Variants in ADGRG7 observed in about 807,000 individuals in gnomAD.
The protein encoded by ADGRG7 is adhesion G protein-coupled receptor G7.
In ADGRG7, 82 loss-of-function variants were observed where a neutral mutation model predicts 88.6. The ratio of observed to expected loss-of-function variants is 0.93; its 90% confidence interval spans 0.77 to 1.11. The LOEUF is 1.11. Among genes scored for constraint, ADGRG7 ranks in the 50% most tolerant of loss-of-function variants. ADGRG7 has a pLI of 0.00. For missense variants in ADGRG7, 945 were observed against 953.4 expected, an observed-to-expected ratio of 0.99 and a Z score of 0.12; for synonymous variants, 381 against 345.2, an observed-to-expected ratio of 1.10 and a Z score of -1.15.
At chr3:100,623,573 G>A (rs1158769792) in intron 1 of ADGRG7, among the ~76,000 whole-genome samples, 1 of 152,070 alleles carries the variant, frequency 6.6e-6, no homozygotes, top group Non-Finnish European at 1.5e-5. Context: ...CAGGATACAA[G>A]TGCAGACCTT....
intron 15 of ADGRG7, among the ~76,000 whole-genome samples, chr3:100,683,205 A>T (rs2094976455): frequency 6.6e-6 from 1 of 152,176 alleles, no homozygotes; most frequent in Non-Finnish European, 1.5e-5. Context: ...GCAGGACAAG[A>T]ACTAGGGACC....
At chr3:100,621,778 C>T (rs776320761) in intron 1 of ADGRG7, among the ~76,000 whole-genome samples, 60 of 152,300 alleles carry the variant, frequency 3.9e-4, no homozygotes, top group Non-Finnish European at 6.3e-4. Context: ...ATAAAACAGG[C>T]TTCTATTGAA....
intron 13 of ADGRG7, among the ~76,000 whole-genome samples, chr3:100,658,358 A>G (rs978614758): frequency 6.6e-6 from 1 of 151,942 alleles, no homozygotes; most frequent in East Asian, 1.9e-4. Flanking sequence ...TTTTGTACCA[A>G]CCTTATATTT....
rs189158189 is a variant in ADGRG7, at chr3:100,609,656, A to C, written c.-201A>C. The stretch of plus-strand genomic sequence containing the variant: ...TGAGGAAATTGAAAGCAGAGTATGC[A>C]CCTTTTATTAGGAGATTCAAACTGC... On this transcript the variant is annotated 5_prime_UTR_variant, in exon 1 of 16. Coordinates refer to ENST00000273352, the MANE Select transcript of ADGRG7 (RefSeq NM_032787.3). 2.1e-6 allele frequency: 1 copy of C among 471,166 alleles called. No individual in the cohort carries two copies. Among genetic ancestry groups the C allele is most frequent in the Non-Finnish European group, 4.0e-6 (1 of 253,044 alleles). 29.2% of individuals were successfully genotyped at this position (471,166 alleles called of 1,614,324 possible). A position where few individuals can be genotyped will look rare whatever the true frequency, so the allele number is the denominator to read the frequency against.
chr3:100,689,703 C>A (rs1288286456), intron 15 of ADGRG7, among the ~76,000 whole-genome samples: 1 of 152,258 alleles, frequency 6.6e-6, no homozygotes, highest in African/African-American at 2.4e-5. Flanking sequence ...AATATTGGCC[C>A]CCACTCTCTT....
intron 4 of ADGRG7, among the ~76,000 whole-genome samples, chr3:100,634,768 C>T (rs899880405): frequency 6.6e-6 from 1 of 152,106 alleles, no homozygotes; most frequent in Non-Finnish European, 1.5e-5. Context: ...GGTTGAGGTC[C>T]CTAACTTCTC....
intron 14 of ADGRG7, among the ~76,000 whole-genome samples, chr3:100,664,439 C>T (rs1286926631): frequency 2.0e-5 from 3 of 152,106 alleles, no homozygotes; most frequent in Non-Finnish European, 4.4e-5. Flanking sequence ...GGTCATAATT[C>T]TATCATAAAA....
chr3:100,675,701 T>A (rs746462234), intron 15 of ADGRG7, among the ~76,000 whole-genome samples: 33 of 152,138 alleles, frequency 2.2e-4, no homozygotes, highest in South Asian at 1.4e-3. Context: ...CTTCTTTAAA[T>A]GTTTGGTAAA....
rs74508526 is a variant in ADGRG7, at chr3:100,622,220, T to C, written c.116-7378T>C. On this transcript the variant is annotated intron_variant, in intron 1 of 15. Coordinates refer to ENST00000273352, the MANE Select transcript of ADGRG7 (RefSeq NM_032787.3). ...CATTTTACGTTAGATCTATGATTCA[T>C]TTGAGATAGTTTTTGTGAAAGATGT... Among the ~76,000 whole-genome samples, 929 of 152,010 alleles carry C rather than the reference T, an allele frequency of 6.1e-3. 10 individuals are homozygous for C. The highest frequency in any genetic ancestry group is 0.022 in the African/African-American group (900 of 41,478).
chr3:100,665,780 T>C (rs1189278090), intron 14 of ADGRG7, among the ~76,000 whole-genome samples: 1 of 152,204 alleles, frequency 6.6e-6, no homozygotes, highest in Non-Finnish European at 1.5e-5. Context: ...ATACAAAAAT[T>C]ATCATGTTTG....
chr3:100,689,152 G>A (rs1455086430), intron 15 of ADGRG7, among the ~76,000 whole-genome samples: 1 of 152,050 alleles, frequency 6.6e-6, no homozygotes, highest in African/African-American at 2.4e-5. Context: ...TGTCTGTTTT[G>A]ATCTTTGTTG....
intron 6 of ADGRG7, 67 bp from the exon 7 acceptor site, chr3:100,643,199 G>A (rs1032401918): frequency 7.7e-6 from 11 of 1,430,084 alleles, no homozygotes; most frequent in Non-Finnish European, 1.1e-5. Flanking sequence ...TGTAGTGTAA[G>A]ACAGAACACA....
chr3:100,668,909 C>A, intron 14 of ADGRG7, 40 bp from the exon 15 acceptor site: 1 of 1,491,346 alleles, frequency 6.7e-7, no homozygotes, highest in Non-Finnish European at 9.1e-7. Flanking sequence ...AAGTAAAACC[C>A]TAATGAACCA....
At chr3:100,673,214 T>G (rs2149036703) in intron 15 of ADGRG7, among the ~76,000 whole-genome samples, 1 of 152,298 alleles carries the variant, frequency 6.6e-6, no homozygotes. Flanking sequence ...TTTTGATTGG[T>G]AGGCTATTAA....
intron 10 of ADGRG7, 107 bp downstream of exon 10, chr3:100,646,831 C>A: frequency 1.0e-6 from 1 of 954,498 alleles, no homozygotes; most frequent in Non-Finnish European, 1.6e-6. Flanking sequence ...CATAGATTCT[C>A]AACTCAGATT....
At chr3:100,645,895 G>T (rs1214803023) in intron 8 of ADGRG7, 50 bp from the exon 9 acceptor site, 7 of 1,516,346 alleles carry the variant, frequency 4.6e-6, no homozygotes, top group Admixed American at 4.0e-5. Context: ...ATTGTTTTTT[G>T]TTTACCTTAC....
At chr3:100,653,529 A>C (rs2094932655) in intron 11 of ADGRG7, among the ~76,000 whole-genome samples, 1 of 152,226 alleles carries the variant, frequency 6.6e-6, no homozygotes, top group South Asian at 2.1e-4. Context: ...GATGGCCTTC[A>C]CATAAGCTTG....
chr3:100,675,321 T>TA (rs138101105), intron 15 of ADGRG7, among the ~76,000 whole-genome samples: 1 of 152,206 alleles, frequency 6.6e-6, no homozygotes, highest in Non-Finnish European at 1.5e-5. Flanking sequence ...TTGAATTTTA[T>TA]AAAATTTTTT....
At chr3:100,610,014 A>AT (rs1312450509) in intron 1 of ADGRG7, 43 bp downstream of exon 1, 1 of 1,509,338 alleles carries the variant, frequency 6.6e-7, no homozygotes, top group Non-Finnish European at 9.2e-7. Context: ...AAGAGAAGGT[A>AT]TGGGACCTCT....
Sources: allele counts gnomAD v4.1 joint callset (sites outside exome capture counted in the v4.1 genomes callset), GRCh38; gene constraint gnomAD v4.1.1; transcripts MANE v1.5; gene names NCBI Gene and HGNC (gene_info 2026-07-23, HGNC 2026-07-21).